Variants in WNT3 observed in about 807,000 individuals in gnomAD.
WNT3 encodes Wnt family member 3.
A neutral mutation model predicts 34.2 loss-of-function variants in WNT3; 7 were observed. The observed-to-expected ratio is 0.20, with a 90% CI of 0.12 to 0.38. The LOEUF is 0.38. WNT3 is among the 10% of genes least tolerant of loss of function. WNT3 has a pLI of 1.00. For missense variants in WNT3, 267 were observed against 499.8 expected (o/e 0.53, Z 4.44); for synonymous variants, 212 against 211.5 (o/e 1.00, Z -0.02).
intron 1 of WNT3, among the ~76,000 whole-genome samples, chr17:46,798,591 A>G (rs1026886984): frequency 2.6e-5 from 4 of 152,174 alleles, no homozygotes; most frequent in Admixed American, 2.6e-4. Context: ...GGTTGGATGC[A>G]CACAGTGACT....
intron 1 of WNT3, among the ~76,000 whole-genome samples, chr17:46,783,958 G>A (rs1420861845): frequency 6.6e-6 from 1 of 152,256 alleles, no homozygotes; most frequent in East Asian, 1.9e-4. Flanking sequence ...AGAGGTGGGT[G>A]CTGGGAAAGC....
intron 2 of WNT3, among the ~76,000 whole-genome samples, chr17:46,770,626 C>A (rs1243617879): frequency 6.6e-6 from 1 of 152,184 alleles, no homozygotes; most frequent in Admixed American, 6.5e-5. Context: ...TCCTAGAGCC[C>A]CTCACCAGGA....
intron 1 of WNT3, among the ~76,000 whole-genome samples, chr17:46,774,753 G>A (rs2059400863): frequency 6.6e-6 from 1 of 152,192 alleles, no homozygotes; most frequent in Admixed American, 6.5e-5. Context: ...GGGTGGGGCA[G>A]AAGAGTTTAA....
At chr17:46,794,079 G>A (rs1356579123) in intron 1 of WNT3, among the ~76,000 whole-genome samples, 1 of 152,176 alleles carries the variant, frequency 6.6e-6, no homozygotes, top group Non-Finnish European at 1.5e-5. Context: ...AACAGCAGGA[G>A]GTTAGCAAGG....
chr17:46,774,434 TCC>T (rs943208743), intron 1 of WNT3, among the ~76,000 whole-genome samples: 43 of 152,318 alleles, frequency 2.8e-4, no homozygotes, highest in Admixed American at 9.8e-4. Flanking sequence ...GCCCAGAGCC[TCC>T]CAGTATCTCC....
At position 46,793,932 on chromosome 17, in the gene WNT3, C is replaced by T. The variant is rs75126997; in HGVS notation, c.81-20023G>A. ...TTTTGCCACTCTGTCCAGACCCCAC[C>T]CTCTGGAGATAACCAGTTTATCCCA... is the stretch of plus-strand genomic sequence containing the variant. On this transcript the variant is annotated intron_variant, in intron 1 of 4. Coordinates refer to ENST00000225512, the MANE Select transcript of WNT3 (RefSeq NM_030753.5). Among the ~76,000 whole-genome samples, 1,167 of 152,282 alleles carry T rather than the reference C, an allele frequency of 7.7e-3. 15 individuals carry two copies. The highest frequency in any genetic ancestry group is 0.027 in the African/African-American group (1,106 of 41,544).
chr17:46,799,389 G>C (rs1352083104), intron 1 of WNT3, among the ~76,000 whole-genome samples: 1 of 151,470 alleles, frequency 6.6e-6, no homozygotes, highest in Non-Finnish European at 1.5e-5. Flanking sequence ...TGCTACATTA[G>C]ATGACCTGTA....
intron 1 of WNT3, among the ~76,000 whole-genome samples, chr17:46,785,686 C>T (rs1433610384): frequency 3.9e-5 from 6 of 152,178 alleles, no homozygotes; most frequent in Non-Finnish European, 8.8e-5. Context: ...CCCGGGAGGA[C>T]CATGGTTCTG....
At chr17:46,790,383 C>T (rs1388387956) in intron 1 of WNT3, among the ~76,000 whole-genome samples, 1 of 152,144 alleles carries the variant, frequency 6.6e-6, no homozygotes, top group Non-Finnish European at 1.5e-5. Flanking sequence ...AGAAACAAGG[C>T]TGCCTGGGCC....
chr17:46,781,759 C>T (rs769735811), intron 1 of WNT3, among the ~76,000 whole-genome samples: 2 of 152,202 alleles, frequency 1.3e-5, no homozygotes, highest in African/African-American at 2.4e-5. Context: ...ATGGTGCTTG[C>T]ATCCCCAGCC....
chr17:46,771,694 G>A (rs1339920812), intron 2 of WNT3, among the ~76,000 whole-genome samples: 1 of 142,820 alleles, frequency 7.0e-6, no homozygotes, highest in East Asian at 2.1e-4. Flanking sequence ...CGGCTCCCGC[G>A]GCCGGGCCGC....
chr17:46,769,645 AGGCCAAGCCT>A, intron 3 of WNT3, 128 bp downstream of exon 3: 1 of 1,144,308 alleles, frequency 8.7e-7, no homozygotes, highest in Non-Finnish European at 1.2e-6. Flanking sequence ...GGTGGGGAGG[AGGCCAAGCCT>A]GGCCAAGGGG....
chr17:46,811,224 C>CGATGCAGG (rs2084270824), intron 1 of WNT3, among the ~76,000 whole-genome samples: 1 of 102,032 alleles, frequency 9.8e-6, no homozygotes, highest in South Asian at 2.4e-4. Context: ...TTCACGGCTG[C>CGATGCAGG]GATGCAGGGA....
intron 1 of WNT3, among the ~76,000 whole-genome samples, chr17:46,784,911 G>C (rs2059490220): frequency 1.3e-5 from 2 of 151,966 alleles, no homozygotes. Context: ...GAGTAGCTGG[G>C]ACTACAGGCA....
At chr17:46,766,146 C>T (rs1478984254) in intron 4 of WNT3, among the ~76,000 whole-genome samples, 4 of 152,298 alleles carry the variant, frequency 2.6e-5, no homozygotes, top group Middle Eastern at 3.4e-3. Context: ...CGGTGGCTCA[C>T]GCCTGTAATC....
chr17:46,794,752 CTTT>C (rs5820620), intron 1 of WNT3, among the ~76,000 whole-genome samples: 15 of 129,270 alleles, frequency 1.2e-4, no homozygotes, highest in African/African-American at 2.3e-4. Context: ...CTTTCTTTTT[CTTT>C]TTTTTTTTTT....
intron 4 of WNT3, among the ~76,000 whole-genome samples, chr17:46,766,147 G>A (rs950127472): frequency 2.6e-5 from 4 of 152,196 alleles, no homozygotes; most frequent in African/African-American, 9.6e-5. Flanking sequence ...GGTGGCTCAC[G>A]CCTGTAATCC....
At position 46,763,518 on chromosome 17, in the gene WNT3, G is replaced by A. The variant is rs2146361880; in HGVS notation, c.*1112C>T. ...CTCACATTGGCCCCAGAGAGGAAAGGACACAGTAAGATGGGTCCGTATTGG... is the reference window on the plus strand; with the variant it reads ...CTCACATTGGCCCCAGAGAGGAAAGAACACAGTAAGATGGGTCCGTATTGG... On this transcript the variant is annotated 3_prime_UTR_variant, in exon 5 of 5. Coordinates refer to ENST00000225512, the MANE Select transcript of WNT3 (RefSeq NM_030753.5). 1 of 152,312 alleles carries A rather than the reference G, an allele frequency of 6.6e-6. No individual in the cohort carries two copies. The highest frequency in any genetic ancestry group is 2.1e-4 in the South Asian group (1 of 4,810). 9.4% of individuals were successfully genotyped at this position (152,312 alleles called of 1,614,324 possible).
Position 46,769,823 on chromosome 17 carries a change from C to T in WNT3, c.548G>A (p.Arg183His), listed in dbSNP as rs146457750. Residue 183 changes from arginine to histidine, a missense_variant, in exon 3 of 5, where the codon CGC (arginine) becomes CAC (histidine). Transcript: ENST00000225512. ...ADARENRPDARSAMNKHNNEA... is the reference protein window; with the variant it reads ...ADARENRPDAHSAMNKHNNEA... ...GTTGTTGTGCTTGTTCATGGCCGAG[C>T]GCGCGTCCGGCCTGTTCTCGCGCGC... 2 of 1,612,834 alleles carry T rather than the reference C, an allele frequency of 1.2e-6. No homozygotes were observed. The highest frequency in any genetic ancestry group is 1.7e-6 in the Non-Finnish European group (2 of 1,179,886).
Sources: gnomAD v4.1 joint callset for allele counts (sites outside exome capture counted in the v4.1 genomes callset) on GRCh38, gnomAD v4.1.1 for gene constraint, MANE v1.5 for transcripts, NCBI Gene and HGNC (gene_info 2026-07-23, HGNC 2026-07-21) for gene names.